Variants in PDILT observed in about 807,000 individuals in gnomAD.
PDILT encodes protein disulfide isomerase like, testis expressed.
PDILT carries 43 observed loss-of-function variants against 53.7 expected under a neutral mutation model. The ratio of observed to expected loss-of-function variants is 0.80; its 90% CI spans 0.63 to 1.03. The LOEUF (loss-of-function observed/expected upper bound fraction) is 1.03. Among genes scored for constraint, PDILT ranks in the 50% least tolerant of loss-of-function variants. The probability of loss-of-function intolerance (pLI) is 0.00; values close to 1 mark genes in which losing one functional copy is unlikely to be tolerated. For missense variants in PDILT, 727 were observed against 712.3 expected, an observed-to-expected ratio of 1.02 and a Z score of -0.24; for synonymous variants, 282 against 274.2, an observed-to-expected ratio of 1.03 and a Z score of -0.28.
At chr16:20,400,038 C>T (rs867537867) in intron 1 of PDILT, among the ~76,000 whole-genome samples, 2 of 122,674 alleles carry the variant, frequency 1.6e-5, no homozygotes, top group South Asian at 2.8e-4. Flanking sequence ...ATCTATCTAT[C>T]TATCTATCTA....
intron 2 of PDILT, among the ~76,000 whole-genome samples, chr16:20,395,816 T>C (rs1274163923): frequency 6.6e-6 from 1 of 152,192 alleles, no homozygotes; most frequent in Non-Finnish European, 1.5e-5. Context: ...CTCCTCTCTC[T>C]TGTTCCCCTC....
At chr16:20,388,214 A>G (rs1455201312) in intron 2 of PDILT, among the ~76,000 whole-genome samples, 1 of 152,206 alleles carries the variant, frequency 6.6e-6, no homozygotes, top group South Asian at 2.1e-4. Context: ...CGATGTTGAT[A>G]ATGAGAATAG....
chr16:20,365,018 C>T (rs1279787149), intron 9 of PDILT, among the ~76,000 whole-genome samples: 1 of 152,186 alleles, frequency 6.6e-6, no homozygotes, highest in African/African-American at 2.4e-5. Context: ...CCCTGAGACC[C>T]TATTTAGTCA....
At position 20,359,391 on chromosome 16, in the gene PDILT, C is replaced by T. The variant is rs1256428534; in HGVS notation, c.1683G>A (p.Val561=). 1 of 1,614,048 alleles carries T rather than the reference C, an allele frequency of 6.2e-7. No homozygotes were observed. Among genetic ancestry groups the T allele is most frequent in the Non-Finnish European group, 8.5e-7 (1 of 1,180,042 alleles). The change falls in exon 12 of 12, where the codon GTG becomes GTA. Residue 561 remains valine, a synonymous_variant. Coordinates refer to ENST00000302451, the MANE Select transcript of PDILT (RefSeq NM_174924.2). Reference sequence around the variant, plus strand: ...CCTTTGGCTTAGCCACCACCACCACCACCTCCTCAGATGTTTTCTTCTTCC... The same window carrying T: ...CCTTTGGCTTAGCCACCACCACCACTACCTCCTCAGATGTTTTCTTCTTCC... ...PAGKKKTSEE[V]VVVVAKPKGP...
At chr16:20,386,169 T>C (rs1235754924) in intron 2 of PDILT, among the ~76,000 whole-genome samples, 1 of 152,028 alleles carries the variant, frequency 6.6e-6, no homozygotes, top group African/African-American at 2.4e-5. Flanking sequence ...GGGGAGGGAC[T>C]GGGGAAGCCC....
At chr16:20,369,348 T>A in intron 8 of PDILT, 144 bp downstream of exon 8, 1 of 891,944 alleles carries the variant, frequency 1.1e-6, no homozygotes, top group Non-Finnish European at 1.8e-6. Context: ...GGTGGGGAGA[T>A]GGGGGATTTC....
At chr16:20,391,700 C>T (rs1004288164) in intron 2 of PDILT, among the ~76,000 whole-genome samples, 2 of 151,890 alleles carry the variant, frequency 1.3e-5, no homozygotes, top group Non-Finnish European at 2.9e-5. Context: ...TAAGATTTGG[C>T]CCCCAACATC....
At chr16:20,400,305 C>G (rs563635080) in intron 1 of PDILT, among the ~76,000 whole-genome samples, 1 of 151,984 alleles carries the variant, frequency 6.6e-6, no homozygotes, top group African/African-American at 2.4e-5. Flanking sequence ...GAACTCCTGA[C>G]CTCAAGTGAT....
intron 8 of PDILT, among the ~76,000 whole-genome samples, chr16:20,368,143 G>A (rs1046998214): frequency 3.9e-5 from 6 of 152,176 alleles, no homozygotes; most frequent in African/African-American, 7.2e-5. Context: ...TCTCCGGGTT[G>A]TGGGCATGGG....
At chr16:20,386,290 G>A (rs1340207244) in intron 2 of PDILT, among the ~76,000 whole-genome samples, 1 of 152,154 alleles carries the variant, frequency 6.6e-6, no homozygotes, top group African/African-American at 2.4e-5. Flanking sequence ...TCTTCCTCCT[G>A]ATAACATTGT....
At position 20,359,421 on chromosome 16, in the gene PDILT, G is replaced by T. The variant is rs369605247; in HGVS notation, c.1653C>A (p.Pro551=). The change falls in exon 12 of 12, where the codon CCC becomes CCA. Residue 551 remains proline (P), a synonymous_variant. Transcript: ENST00000302451. ...MTKYVSKLEE[P]AGKKKTSEEV... ...CCTCAGATGTTTTCTTCTTCCCAGCGGGCTCTTCCAGCTTGGATACGTACT... is the reference window on the plus strand; with the variant it reads ...CCTCAGATGTTTTCTTCTTCCCAGCTGGCTCTTCCAGCTTGGATACGTACT... 2 of 1,614,068 alleles carry T rather than the reference G, an allele frequency of 1.2e-6. No individual in the cohort carries two copies.
Position 20,365,480 on chromosome 16 carries a change from C to A in PDILT, c.1177G>T (p.Val393Leu), listed in dbSNP as rs147887176. 3.1e-6 allele frequency: 5 copies of A among 1,613,838 alleles called. No homozygotes were observed. In the African/African-American group the frequency reaches 4.0e-5, roughly 13 times the overall value. Residue 393 changes from valine (V) to leucine (L), a missense_variant, in exon 9 of 12, where the codon GTG becomes TTG. Transcript: ENST00000302451. The part of the protein sequence containing the change: ...YWDQGLVKQL[V>L]GKNFNVVVFD... Reference sequence around the variant, plus strand: ...ACGACTACGTTGAAGTTCTTCCCCACGAGCTGCTTAACCAGTCCCTGGTCC... The same window carrying A: ...ACGACTACGTTGAAGTTCTTCCCCAAGAGCTGCTTAACCAGTCCCTGGTCC...
intron 1 of PDILT, among the ~76,000 whole-genome samples, chr16:20,403,062 G>A (rs964616247): frequency 2.6e-5 from 4 of 152,148 alleles, no homozygotes; most frequent in African/African-American, 9.7e-5. Context: ...AGCCAAAATC[G>A]AGGGGCTGGT....
intron 9 of PDILT, among the ~76,000 whole-genome samples, chr16:20,364,271 G>A (rs868837065): frequency 6.6e-6 from 1 of 152,188 alleles, no homozygotes; most frequent in Admixed American, 6.5e-5. Flanking sequence ...GAAAGGCAGC[G>A]GATCTTGGTG....
At chr16:20,377,724 G>T (rs1416488811) in intron 3 of PDILT, among the ~76,000 whole-genome samples, 3 of 152,162 alleles carry the variant, frequency 2.0e-5, no homozygotes, top group Admixed American at 6.5e-5. Context: ...GGAGGCCGAG[G>T]AGGGCGGATC....
intron 1 of PDILT, among the ~76,000 whole-genome samples, chr16:20,401,612 T>C (rs1023358160): frequency 2.6e-5 from 4 of 152,136 alleles, no homozygotes; most frequent in South Asian, 2.1e-4. Flanking sequence ...AGAAGAAACC[T>C]TGAAATTCAA....
chr16:20,364,218 G>C (rs556809165), intron 9 of PDILT, among the ~76,000 whole-genome samples: 52 of 152,308 alleles, frequency 3.4e-4, no homozygotes, highest in Non-Finnish European at 6.8e-4. Flanking sequence ...TTACAATTCT[G>C]GGTGTGACTT....
At chr16:20,370,145 G>T (rs940618970) in intron 7 of PDILT, among the ~76,000 whole-genome samples, 1 of 152,076 alleles carries the variant, frequency 6.6e-6, no homozygotes, top group Admixed American at 6.6e-5. Flanking sequence ...GGAAATTCAT[G>T]ACTTCATTCA....
intron 9 of PDILT, 46 bp from the exon 10 acceptor site, chr16:20,362,628 A>G: frequency 1.3e-6 from 2 of 1,598,778 alleles, no homozygotes; most frequent in Non-Finnish European, 1.7e-6. Context: ...ATGAAGATCC[A>G]GAAAGCTGGC....
Sources: gnomAD v4.1 joint callset for allele counts (sites outside exome capture counted in the v4.1 genomes callset) on GRCh38, gnomAD v4.1.1 for gene constraint, MANE v1.5 for transcripts, NCBI Gene and HGNC (gene_info 2026-07-23, HGNC 2026-07-21) for gene names.